Variants in NTNG2 observed in about 807,000 individuals in gnomAD.
NTNG2 encodes the protein netrin G2, also known as netrin-G2.
In NTNG2, 15 loss-of-function variants were observed where a neutral mutation model predicts 47.6. The observed-to-expected ratio is 0.32, with a 90% CI of 0.21 to 0.49. The LOEUF (loss-of-function observed/expected upper bound fraction) is 0.49. Among genes scored for constraint, NTNG2 ranks in the 20% least tolerant of loss-of-function variants. The pLI is 0.99. For missense variants in NTNG2, 578 were observed against 764.6 expected, an observed-to-expected ratio of 0.76 and a Z score of 2.88; for synonymous variants, 307 against 324.6, an observed-to-expected ratio of 0.95 and a Z score of 0.58.
At chr9:132,241,399 G>A in intron 7 of NTNG2, 1 of 375,024 alleles carries the variant, frequency 2.7e-6, no homozygotes, top group Non-Finnish European at 4.9e-6. Flanking sequence ...CCGGGGCCGG[G>A]CCGAGGGGCG....
chr9:132,172,722 ATTTTTTTTTT>A (rs35406789), intron 2 of NTNG2, among the ~76,000 whole-genome samples: 1 of 83,500 alleles, frequency 1.2e-5, no homozygotes, highest in East Asian at 3.6e-4. Context: ...TCAGGGCTGT[ATTTTTTTTTT>A]TTTTTTTTTT....
At chr9:132,228,706 C>T (rs7022061) in intron 4 of NTNG2, among the ~76,000 whole-genome samples, 360 of 152,226 alleles carry the variant, frequency 2.4e-3, no homozygotes, top group African/African-American at 8.4e-3. Context: ...TGCAGGTGCA[C>T]ACCACCAGGC....
chr9:132,210,668 C>G (rs1399717611), intron 3 of NTNG2, among the ~76,000 whole-genome samples: 1 of 152,208 alleles, frequency 6.6e-6, no homozygotes, highest in East Asian at 1.9e-4. Flanking sequence ...TGGGCCTCAC[C>G]AGCTGCGATT....
At chr9:132,228,558 C>CTTTTTTTTTTTTTTTTTTTTT (rs56250915) in intron 4 of NTNG2, among the ~76,000 whole-genome samples, 1 of 145,216 alleles carries the variant, frequency 6.9e-6, no homozygotes. Context: ...TCACACCCTC[C>CTTTTTTTTTTTTTTTTTTTTT]TTTTTTTTTT....
Position 132,208,364 on chromosome 9 carries a change from A to G in NTNG2, c.857+9755A>G, listed in dbSNP as rs181891427. Among the ~76,000 whole-genome samples, 17 of 152,046 alleles carry G rather than the reference A, an allele frequency of 1.1e-4. No individual in the cohort carries two copies. The East Asian group carries it at 3.1e-3, about 28-fold the overall frequency. On this transcript the variant is annotated intron_variant, in intron 3 of 7. Transcript: ENST00000393229. This position sits in a 1 kb window ranked among gnomAD's most constrained non-coding sequence, Gnocchi z 4.0. Reference sequence around the variant, plus strand: ...ATCACGCCAGCCCTGCAGCCCCGGGAGGAAGTTGGTTTTGGTTGAAGTTTG... The same window carrying G: ...ATCACGCCAGCCCTGCAGCCCCGGGGGGAAGTTGGTTTTGGTTGAAGTTTG...
chr9:132,212,456 G>A lies in NTNG2; in HGVS notation c.857+13847G>A, dbSNP rs564874300. ...ACTTAATAGAAAAGGGCTTCGCACA[G>A]AAGCCCAAATTTGATTTAGCCAATG... On this transcript the variant is annotated intron_variant, in intron 3 of 7. Transcript: ENST00000393229. Among the ~76,000 whole-genome samples, 138 of 152,330 alleles carry A rather than the reference G, an allele frequency of 9.1e-4. 1 individual carries two copies. Among genetic ancestry groups the A allele is most frequent in the Non-Finnish European group, 1.5e-3 (103 of 68,036 alleles).
chr9:132,229,794 C>T (rs12003622), intron 4 of NTNG2, among the ~76,000 whole-genome samples: 7,895 of 152,292 alleles, frequency 0.052, 725 homozygotes, highest in African/African-American at 0.18. Context: ...AATCCCACAG[C>T]GTCCTTTCTC....
At position 132,182,674 on chromosome 9, in the gene NTNG2, T is replaced by C. The variant is rs944044430; in HGVS notation, c.214-15292T>C. Among the ~76,000 whole-genome samples, 7 of 152,220 alleles carry C rather than the reference T, an allele frequency of 4.6e-5. No homozygotes were observed. Among genetic ancestry groups the C allele is most frequent in the Non-Finnish European group, 7.3e-5 (5 of 68,038 alleles). On this transcript the variant is annotated intron_variant, in intron 2 of 7. Transcript: ENST00000393229. This position sits in a 1 kb window ranked among gnomAD's most constrained non-coding sequence, Gnocchi z 4.2. ...GCAGCCTTGGGTACAGAGTACGGGT[T>C]GTCTCCCAGCAGGAAAGGGAGGTTT... is the stretch of plus-strand genomic sequence containing the variant.
chr9:132,194,159 A>G (rs1167650128), intron 2 of NTNG2, among the ~76,000 whole-genome samples: 2 of 152,176 alleles, frequency 1.3e-5, no homozygotes, highest in African/African-American at 4.8e-5. Flanking sequence ...CAGGGGCAGC[A>G]GAAGCAGCAC....
intron 4 of NTNG2, among the ~76,000 whole-genome samples, chr9:132,229,107 A>G (rs1241684438): frequency 6.6e-6 from 1 of 151,982 alleles, no homozygotes; most frequent in Non-Finnish European, 1.5e-5. Context: ...GTCCCCGGGA[A>G]TTGCCTTTGA....
chr9:132,212,502 T>C (rs754157692), intron 3 of NTNG2, among the ~76,000 whole-genome samples: 1 of 152,150 alleles, frequency 6.6e-6, no homozygotes, highest in Admixed American at 6.5e-5. Context: ...CCGGCCTGAT[T>C]GCGTTCCAGG....
intron 2 of NTNG2, among the ~76,000 whole-genome samples, chr9:132,183,577 C>T (rs1426165821): frequency 6.6e-6 from 1 of 152,212 alleles, no homozygotes; most frequent in Admixed American, 6.5e-5. Context: ...TCATCTGTGC[C>T]ACTCATGGGG....
At chr9:132,216,228 T>C (rs1410956235) in intron 3 of NTNG2, among the ~76,000 whole-genome samples, 1 of 152,124 alleles carries the variant, frequency 6.6e-6, no homozygotes, top group Admixed American at 6.5e-5. Flanking sequence ...ATCCCCTTCC[T>C]CCCTTGCTTC....
chr9:132,240,047 C>T (rs1399724291), intron 6 of NTNG2, among the ~76,000 whole-genome samples: 3 of 152,226 alleles, frequency 2.0e-5, no homozygotes, highest in Non-Finnish European at 4.4e-5. Flanking sequence ...GAATGGTTGC[C>T]CCTGTCGTCA....
At chr9:132,210,636 C>T (rs1350746965) in intron 3 of NTNG2, among the ~76,000 whole-genome samples, 2 of 152,196 alleles carry the variant, frequency 1.3e-5, no homozygotes, top group Non-Finnish European at 2.9e-5. Context: ...CCTGTCCCCC[C>T]GACCCCAGCT....
chr9:132,242,697 CT>C lies in NTNG2; in HGVS notation c.*587del, dbSNP rs1318576320. ...AGGAGAGAAGGAAGGGGTGGGGGGC[CT>C]GGAAACTTCGTTCTGTAGAGAACTA... On this transcript the variant is annotated 3_prime_UTR_variant, in exon 8 of 8. Transcript: ENST00000393229. This position sits in a 1 kb window ranked among gnomAD's most constrained non-coding sequence, Gnocchi z 5.9. The C allele has an allele frequency of 6.6e-6, 1 of 152,358 alleles. No individual in the cohort carries two copies. The highest frequency in any genetic ancestry group is 2.4e-5 in the African/African-American group (1 of 41,450). 9.4% of individuals were successfully genotyped at this position (152,358 alleles called of 1,614,324 possible).
chr9:132,212,715 A>G (rs1839680503), intron 3 of NTNG2, among the ~76,000 whole-genome samples: 1 of 152,130 alleles, frequency 6.6e-6, no homozygotes, highest in South Asian at 2.1e-4. Context: ...CCTTCCCTCT[A>G]GTGCCCAAGG....
In NTNG2 at chr9:132,165,939, C is replaced by T. The variant is rs532839799; in HGVS notation, c.-483-410C>T. On this transcript the variant is annotated intron_variant, in intron 1 of 7. Transcript: ENST00000393229. ...CACATTTTGCCGGAGAGCTTTTGTT[C>T]TTATACGTCTCTATTCTCCCCCTCT... 5 of 152,304 alleles carry T rather than the reference C, an allele frequency of 3.3e-5. No homozygotes were observed. The South Asian group carries it at 1.0e-3, about 32-fold the overall frequency. 9.4% of individuals were successfully genotyped at this position (152,304 alleles called of 1,614,324 possible).
In NTNG2 at chr9:132,180,642, A is replaced by C. The variant is rs533635914; in HGVS notation, c.213+13598A>C. Among the ~76,000 whole-genome samples, 6 of 152,336 alleles carry C rather than the reference A, an allele frequency of 3.9e-5. No individual in the cohort carries two copies. The South Asian group carries it at 1.2e-3, about 32-fold the overall frequency. On this transcript the variant is annotated intron_variant, in intron 2 of 7. Transcript: ENST00000393229. The surrounding 1 kb of genome is among the most constrained non-coding windows in gnomAD (Gnocchi z 4.2). Reference sequence around the variant, plus strand: ...TGTAAAATGAGGGGGTCTGCAGGTCAACCTCAGAGTCCCACTGTACCCCCA... The same window carrying C: ...TGTAAAATGAGGGGGTCTGCAGGTCCACCTCAGAGTCCCACTGTACCCCCA...
Sources: allele counts gnomAD v4.1 joint callset (sites outside exome capture counted in the v4.1 genomes callset), GRCh38; gene constraint gnomAD v4.1.1; non-coding constraint Gnocchi (gnomAD v3.1); transcripts MANE v1.5; gene names NCBI Gene and HGNC (gene_info 2026-07-23, HGNC 2026-07-21).